Variants in MED15 observed in about 807,000 individuals in gnomAD.
MED15 encodes mediator complex subunit 15, also known as mediator of RNA polymerase II transcription subunit 15.
A neutral mutation model predicts 118.7 loss-of-function variants in MED15; 41 were observed. That is an observed-to-expected ratio of 0.35 (90% CI 0.27 to 0.45). MED15 has a LOEUF of 0.45. Among genes scored for constraint, MED15 ranks in the 20% least tolerant of loss-of-function variants. The probability of loss-of-function intolerance (pLI) is 1.00; values close to 1 mark genes in which losing one functional copy is unlikely to be tolerated. For missense variants in MED15, 740 were observed against 1,025.5 expected, an observed-to-expected ratio of 0.72 and a Z score of 3.80; for synonymous variants, 436 against 413.9, an observed-to-expected ratio of 1.05 and a Z score of -0.65.
intron 5 of MED15, among the ~76,000 whole-genome samples, chr22:20,563,966 G>A (rs561076132): frequency 2.6e-5 from 4 of 152,272 alleles, no homozygotes; most frequent in South Asian, 4.1e-4. Flanking sequence ...TAGAAGCAGC[G>A]CAAATGTTCA....
At chr22:20,517,356 C>T (rs1164839748) in intron 1 of MED15, among the ~76,000 whole-genome samples, 1 of 152,242 alleles carries the variant, frequency 6.6e-6, no homozygotes, top group Non-Finnish European at 1.5e-5. Context: ...TTGACCTGTG[C>T]TCCATCATAC....
chr22:20,545,501 A>G (rs2055495197), intron 2 of MED15, among the ~76,000 whole-genome samples: 1 of 151,664 alleles, frequency 6.6e-6, no homozygotes, highest in Non-Finnish European at 1.5e-5. Context: ...AAAGAAACAA[A>G]ATGCTTTAAA....
At chr22:20,565,789 C>G (rs1174682629) in intron 6 of MED15, among the ~76,000 whole-genome samples, 2 of 152,216 alleles carry the variant, frequency 1.3e-5, no homozygotes, top group African/African-American at 4.8e-5. Context: ...TGCAGTTGCC[C>G]CAGCTTTTAT....
rs1037092690 is a variant in MED15, at chr22:20,561,053, C to CT, written c.452-3394dup. Among the ~76,000 whole-genome samples the CT allele has an allele frequency of 2.2e-4, 34 of 152,172 alleles. 1 individual carries two copies. Among genetic ancestry groups the CT allele is most frequent in the African/African-American group, 8.2e-4 (34 of 41,490 alleles). ...TGCTAAAATATTGATGAGGTTTATACTTTAAGTTAAATATGCATGATAAAA... is the reference window on the plus strand; with the variant it reads ...TGCTAAAATATTGATGAGGTTTATACTTTTAAGTTAAATATGCATGATAAAA... On this transcript the variant is annotated intron_variant, in intron 5 of 17. Transcript: ENST00000263205.
intron 1 of MED15, among the ~76,000 whole-genome samples, chr22:20,525,556 G>A (rs1183781199): frequency 4.3e-5 from 5 of 116,436 alleles, no homozygotes; most frequent in African/African-American, 3.4e-5. Context: ...TTTTTTTTGA[G>A]ACGGAGTTTC....
At chr22:20,565,716 G>A (rs1177359546) in intron 6 of MED15, among the ~76,000 whole-genome samples, 4 of 152,224 alleles carry the variant, frequency 2.6e-5, no homozygotes, top group Admixed American at 6.5e-5. Context: ...GACCGTCACC[G>A]TGAGGCTCAT....
chr22:20,543,363 C>G (rs1174373305), intron 2 of MED15, among the ~76,000 whole-genome samples: 3 of 150,784 alleles, frequency 2.0e-5, no homozygotes, highest in Non-Finnish European at 3.0e-5. Flanking sequence ...AGGTGCCCAC[C>G]ACCACACCCA....
chr22:20,586,556 G>A lies in MED15; in HGVS notation c.2231-12G>A. The A allele has an allele frequency of 3.1e-6, 5 of 1,611,522 alleles. No homozygotes were observed. In the South Asian group the frequency reaches 5.5e-5, roughly 18 times the overall value. ...CGGCCGCCTTAGGTTCACGCCCACT[G>A]CTCTGTTGCAGACGCCAACCCCTTC... On this transcript the variant is annotated splice_polypyrimidine_tract_variant and intron_variant, in intron 17 of 17. Transcript: ENST00000263205.
chr22:20,544,873 A>G (rs1166288886), intron 2 of MED15, among the ~76,000 whole-genome samples: 1 of 151,590 alleles, frequency 6.6e-6, no homozygotes, highest in Non-Finnish European at 1.5e-5. Flanking sequence ...CACGAGGTAA[A>G]TACATTCTCT....
chr22:20,570,219 TTCA>T (rs1224910234), intron 8 of MED15, among the ~76,000 whole-genome samples: 1 of 151,816 alleles, frequency 6.6e-6, no homozygotes, highest in Non-Finnish European at 1.5e-5. Context: ...GAGACATGGT[TTCA>T]TCATGTTGGC....
At chr22:20,515,285 A>T (rs1442287005) in intron 1 of MED15, among the ~76,000 whole-genome samples, 1 of 152,126 alleles carries the variant, frequency 6.6e-6, no homozygotes, top group African/African-American at 2.4e-5. Context: ...TGTACATGTT[A>T]CTCACATTTA....
At chr22:20,528,542 C>T (rs2146403972) in intron 1 of MED15, among the ~76,000 whole-genome samples, 1 of 152,320 alleles carries the variant, frequency 6.6e-6, no homozygotes, top group African/African-American at 2.4e-5. Context: ...CTTGCACACC[C>T]TCTGCTCACC....
intron 2 of MED15, among the ~76,000 whole-genome samples, chr22:20,538,721 TG>T (rs1203759056): frequency 6.6e-6 from 1 of 151,928 alleles, no homozygotes; most frequent in African/African-American, 2.4e-5. Flanking sequence ...TGTGTGTGTG[TG>T]ACAGTTTTCC....
rs113027769 is a variant in MED15 at position 20,537,740 on chromosome 22, A to G, written c.156+536A>G. The stretch of plus-strand genomic sequence containing the variant: ...GGTGGGGCACCACACTGAGGGCTTT[A>G]TGTGACCACCTCCTTTAATCTGTGT... On this transcript the variant is annotated intron_variant, in intron 2 of 17. Transcript: ENST00000263205. Among the ~76,000 whole-genome samples, 411 of 152,350 alleles carry G rather than the reference A, an allele frequency of 2.7e-3. 1 individual carries two copies. Among genetic ancestry groups the G allele is most frequent in the African/African-American group, 8.5e-3 (354 of 41,588 alleles).
At chr22:20,510,955 C>T (rs973563938) in intron 1 of MED15, among the ~76,000 whole-genome samples, 2 of 152,156 alleles carry the variant, frequency 1.3e-5, no homozygotes, top group Non-Finnish European at 2.9e-5. Context: ...GTTGCCTTCC[C>T]TAGGTGATGT....
At chr22:20,571,806 A>G (rs559828920) in intron 8 of MED15, among the ~76,000 whole-genome samples, 1 of 152,330 alleles carries the variant, frequency 6.6e-6, no homozygotes, top group East Asian at 1.9e-4. Flanking sequence ...AAAAACTTTA[A>G]AAGTATGTGT....
At chr22:20,510,310 C>T (rs191922999) in intron 1 of MED15, among the ~76,000 whole-genome samples, 1 of 152,076 alleles carries the variant, frequency 6.6e-6, no homozygotes, top group Admixed American at 6.6e-5. Context: ...TGCTTGAACC[C>T]GGGAGGCGGA....
At chr22:20,552,601 A>G (rs959281930) in intron 3 of MED15, 7 of 427,802 alleles carry the variant, frequency 1.6e-5, no homozygotes, top group Non-Finnish European at 2.9e-5. Context: ...GAAGCAGCCG[A>G]GCAGGAGGCT....
At position 20,553,167 on chromosome 22, in the gene MED15, C is replaced by T. The variant is rs773711038; in HGVS notation, c.231C>T (p.Ser77=). The T allele has an allele frequency of 1.6e-5, 26 of 1,611,560 alleles. No homozygotes were observed. The East Asian group carries it at 1.8e-4, about 11-fold the overall frequency. ...TAGATAACAAGAAATCTCAAGCTTC[C>T]GTCAGTGGTAAGAGTTTTCCCTTTT... ...RDIHNKKSQA[S]VSDPMNALQS... Residue 77 remains serine, a synonymous_variant, in exon 4 of 18, where the codon TCC becomes TCT. Coordinates refer to ENST00000263205, the MANE Select transcript of MED15 (RefSeq NM_001003891.3).
Sources: gnomAD v4.1 joint callset for allele counts (sites outside exome capture counted in the v4.1 genomes callset) on GRCh38, gnomAD v4.1.1 for gene constraint, MANE v1.5 for transcripts, NCBI Gene and HGNC (gene_info 2026-07-23, HGNC 2026-07-21) for gene names.